ARMC9: variants seen among roughly 807,000 people sequenced by gnomAD.
ARMC9 encodes the protein lisH domain-containing protein ARMC9.
ARMC9 carries 94 observed loss-of-function variants against 107.0 expected under a neutral mutation model. The ratio of observed to expected loss-of-function variants is 0.88; its 90% CI spans 0.74 to 1.04. ARMC9 has a LOEUF of 1.04. Among genes scored for constraint, ARMC9 ranks in the 50% least tolerant of loss-of-function variants. ARMC9 has a pLI of 0.00. For synonymous variants in ARMC9, 380 were observed against 396.9 expected (o/e 0.96, Z 0.51); for missense variants, 942 against 1,030.1 (o/e 0.91, Z 1.17).
At chr2:231,352,708 T>TA (rs2045151327) in intron 21 of ARMC9, among the ~76,000 whole-genome samples, 1 of 148,316 alleles carries the variant, frequency 6.7e-6, no homozygotes, top group Admixed American at 6.9e-5. Context: ...GATAGATAGA[T>TA]GATAGGTAGG....
chr2:231,284,883 T>C (rs977338454), intron 17 of ARMC9, among the ~76,000 whole-genome samples: 25 of 152,174 alleles, frequency 1.6e-4, no homozygotes, highest in African/African-American at 5.3e-4. Flanking sequence ...AAATATTTTC[T>C]CAATTTTGGT....
At chr2:231,296,428 C>G (rs555466739) in intron 19 of ARMC9, among the ~76,000 whole-genome samples, 175 bp downstream of exon 19, 2 of 152,330 alleles carry the variant, frequency 1.3e-5, no homozygotes, top group African/African-American at 4.8e-5. Context: ...CACTTGGGGT[C>G]TCATGTGGGG....
At chr2:231,248,075 A>G (rs1309618660) in intron 9 of ARMC9, among the ~76,000 whole-genome samples, 1 of 152,156 alleles carries the variant, frequency 6.6e-6, no homozygotes, top group African/African-American at 2.4e-5. Context: ...TTGTGTCCAA[A>G]TCGGGCTCAA....
chr2:231,209,910 C>G (rs1291184003), intron 3 of ARMC9, among the ~76,000 whole-genome samples: 3 of 152,194 alleles, frequency 2.0e-5, no homozygotes, highest in Admixed American at 1.3e-4. Context: ...TCTCAAACTC[C>G]CAATCTCAAG....
chr2:231,327,925 C>T (rs774123651), intron 19 of ARMC9, among the ~76,000 whole-genome samples: 5 of 152,148 alleles, frequency 3.3e-5, no homozygotes, highest in Non-Finnish European at 7.3e-5. Flanking sequence ...GTTGGGATTA[C>T]AGGCACATGC....
At chr2:231,206,929 T>C (rs777868106) in intron 2 of ARMC9, among the ~76,000 whole-genome samples, 34 of 152,240 alleles carry the variant, frequency 2.2e-4, no homozygotes, top group Non-Finnish European at 3.8e-4. Context: ...GGAGCAGGGA[T>C]GAGGCACCCA....
chr2:231,211,332 C>G (rs971289484), intron 3 of ARMC9, among the ~76,000 whole-genome samples: 1 of 150,544 alleles, frequency 6.6e-6, no homozygotes, highest in African/African-American at 2.5e-5. Flanking sequence ...CCCAGCCTGA[C>G]CAACATGGTG....
chr2:231,367,146 G>A (rs958692617), intron 23 of ARMC9, among the ~76,000 whole-genome samples: 2 of 151,972 alleles, frequency 1.3e-5, no homozygotes, highest in Non-Finnish European at 2.9e-5. Context: ...CACCATGCCC[G>A]GCCAACAAAA....
chr2:231,244,817 G>A (rs989116927), intron 9 of ARMC9, among the ~76,000 whole-genome samples: 8 of 152,260 alleles, frequency 5.3e-5, no homozygotes, highest in Non-Finnish European at 1.2e-4. Context: ...ATGGAGGAGC[G>A]GAGTTGACAC....
At chr2:231,292,336 C>A (rs1395556836) in intron 18 of ARMC9, among the ~76,000 whole-genome samples, 1 of 152,170 alleles carries the variant, frequency 6.6e-6, no homozygotes. Context: ...CTCCCTTTCC[C>A]CTCCTAAATC....
intron 1 of ARMC9, 105 bp from the exon 2 acceptor site, chr2:231,206,093 G>T (rs775598451): frequency 4.2e-6 from 3 of 715,148 alleles, no homozygotes; most frequent in Non-Finnish European, 2.5e-6. Flanking sequence ...GGGGATTGGC[G>T]CATGGATGTC....
chr2:231,330,284 A>G (rs896290056), intron 19 of ARMC9, among the ~76,000 whole-genome samples: 2 of 146,078 alleles, frequency 1.4e-5, no homozygotes, highest in African/African-American at 5.1e-5. Context: ...CTGAAGTACG[A>G]TGGCGCAATT....
chr2:231,215,445 C>A (rs1339075423), intron 4 of ARMC9, among the ~76,000 whole-genome samples: 2 of 152,232 alleles, frequency 1.3e-5, no homozygotes, highest in Non-Finnish European at 2.9e-5. Flanking sequence ...ACCTTGGCCT[C>A]CCAAAGTGCT....
rs201558091 is a variant in ARMC9 at position 231,282,113 on chromosome 2, C to A, written c.1606C>A (p.Arg536Ser). The change falls in exon 17 of 25, where the codon CGT becomes AGT. Residue 536 changes from arginine (R) to serine (S), a missense_variant. By Grantham distance (110) the Arg-to-Ser change is moderately radical. Coordinates refer to ENST00000611582, the MANE Select transcript of ARMC9 (RefSeq NM_001352754.2). ...LYSILSVPSI[R>S]EEARAMGMED... ...CAGCATCCTTTCTGTTCCATCCATTCGTGAGGAAGCAAGAGCAATGGTAAG... is the reference window on the plus strand; with the variant it reads ...CAGCATCCTTTCTGTTCCATCCATTAGTGAGGAAGCAAGAGCAATGGTAAG... 3 of 1,614,026 alleles carry A rather than the reference C, an allele frequency of 1.9e-6. No homozygotes were observed. The Admixed American group carries it at 5.0e-5, about 27-fold the overall frequency.
intron 19 of ARMC9, among the ~76,000 whole-genome samples, chr2:231,301,975 CA>C (rs1036963110): frequency 1.9e-4 from 27 of 144,934 alleles, no homozygotes; most frequent in African/African-American, 3.0e-4. Context: ...GACTCCATCT[CA>C]AAAAAAAAAA....
intron 3 of ARMC9, 38 bp downstream of exon 3, chr2:231,208,290 C>G (rs764176620): frequency 6.7e-7 from 1 of 1,500,240 alleles, no homozygotes; most frequent in Non-Finnish European, 9.2e-7. Context: ...GTAGATAATT[C>G]AGGATGCTCC....
At chr2:231,270,210 T>G (rs2039205640) in intron 12 of ARMC9, among the ~76,000 whole-genome samples, 2 of 152,098 alleles carry the variant, frequency 1.3e-5, no homozygotes. Context: ...CATTCTGCAT[T>G]TAGACACTAA....
At chr2:231,201,300 A>T (rs1341301498) in intron 1 of ARMC9, among the ~76,000 whole-genome samples, 1 of 152,152 alleles carries the variant, frequency 6.6e-6, no homozygotes, top group African/African-American at 2.4e-5. Context: ...GGCAGATGCC[A>T]TACCCCTTGC....
At position 231,358,478 on chromosome 2, in the gene ARMC9, A is replaced by T. The variant is rs1367284141; in HGVS notation, c.2132-2276A>T. ...CGGCCTCCCAAAGTGCTGGGATTAC[A>T]GGCATGGGGCCCCCTCCACTTCCCT... On this transcript the variant is annotated intron_variant, in intron 22 of 24. Coordinates refer to ENST00000611582, the MANE Select transcript of ARMC9 (RefSeq NM_001352754.2). This position sits in a 1 kb window ranked among gnomAD's most constrained non-coding sequence, Gnocchi z 4.5. Among the ~76,000 whole-genome samples, 1 of 152,106 alleles carries T rather than the reference A, an allele frequency of 6.6e-6. No individual in the cohort carries two copies. Among genetic ancestry groups the T allele is most frequent in the South Asian group, 2.1e-4 (1 of 4,824 alleles).
Sources: allele counts gnomAD v4.1 joint callset (sites outside exome capture counted in the v4.1 genomes callset), GRCh38; gene constraint gnomAD v4.1.1; non-coding constraint Gnocchi (gnomAD v3.1); transcripts MANE v1.5; gene names NCBI Gene and HGNC (gene_info 2026-07-23, HGNC 2026-07-21).